PARP4: variants seen among roughly 807,000 people sequenced by gnomAD.
PARP4 encodes the protein protein mono-ADP-ribosyltransferase PARP4.
A neutral mutation model predicts 187.7 loss-of-function variants in PARP4; 120 were observed. The observed-to-expected ratio is 0.64, with a 90% CI of 0.55 to 0.74. The LOEUF is 0.74. Ranked by LOEUF, PARP4 falls within the 30% of genes least tolerant of loss-of-function variation. The pLI is 0.00. For synonymous variants in PARP4, 654 were observed against 740.9 expected, an observed-to-expected ratio of 0.88 and a Z score of 1.90; for missense variants, 1,836 against 2,070.5, an observed-to-expected ratio of 0.89 and a Z score of 2.20.
intron 16 of PARP4, 48 bp from the exon 17 acceptor site, chr13:24,469,158 A>C: frequency 7.8e-7 from 1 of 1,274,370 alleles, no homozygotes; most frequent in Non-Finnish European, 1.1e-6. Context: ...GAGTGACTTC[A>C]GGCTTTAATG....
chr13:24,500,329 CAG>C lies in PARP4; in HGVS notation c.386_387del (p.Thr129SerfsTer5). On this transcript the variant is annotated frameshift_variant, in exon 4 of 34. Transcript: ENST00000381989. LOFTEE classifies it high-confidence loss of function. Reference protein sequence around the residue: ...CPDSATEEEDTVELTEFGMQN... With the variant: ...CPDSATEEEDXVELTEFGMQN... ...GAAGTAAATTACTCAGTGAGTTCCA[CAG>C]TGTCTTCCTCCTCTGTGGCACTGTC... The C allele has an allele frequency of 6.3e-7, 1 of 1,596,650 alleles. No individual in the cohort carries two copies. Among genetic ancestry groups the C allele is most frequent in the Non-Finnish European group, 8.5e-7 (1 of 1,169,768 alleles).
At chr13:24,496,322 G>A (rs1232076961) in intron 6 of PARP4, among the ~76,000 whole-genome samples, 1 of 152,162 alleles carries the variant, frequency 6.6e-6, no homozygotes, top group African/African-American at 2.4e-5. Context: ...ATTTGACCAT[G>A]GATTAGCTTT....
At position 24,453,609 on chromosome 13, in the gene PARP4, G is replaced by A. The variant is rs139037622; in HGVS notation, c.2804C>T (p.Thr935Ile). Reference sequence around the variant, plus strand: ...CACCATGATGAACTCTGCTGCCATGGTATTGCTTGTGATATGCTTAGGATA... The same window carrying A: ...CACCATGATGAACTCTGCTGCCATGATATTGCTTGTGATATGCTTAGGATA... ...FSYPKHITSNTMAAEFIMSAT... is the reference protein window; with the variant it reads ...FSYPKHITSNIMAAEFIMSAT... Residue 935 changes from threonine (T) to isoleucine (I), a missense_variant, in exon 23 of 34, where the codon ACC becomes ATC. Thr to Ile is a moderately conservative substitution (Grantham distance 89, BLOSUM62 -1). Coordinates refer to ENST00000381989, the MANE Select transcript of PARP4 (RefSeq NM_006437.4). 41 of 1,602,782 alleles carry A rather than the reference G, an allele frequency of 2.6e-5. No homozygotes were observed. In the African/African-American group the frequency reaches 2.9e-4, roughly 12 times the overall value.
At chr13:24,495,742 A>T (rs1001841414) in intron 6 of PARP4, among the ~76,000 whole-genome samples, 1 of 152,212 alleles carries the variant, frequency 6.6e-6, no homozygotes, top group Admixed American at 6.5e-5. Context: ...CCGCCCTCCC[A>T]GATAGGGGGG....
rs549096895 is a variant in PARP4, at chr13:24,436,487, T to C, written c.3667-1013A>G. ...CCCAGCTAATTTTTAAATTATTCTT[T>C]TGTAGAGATGTGGTCTCATTATGTT... is the stretch of plus-strand genomic sequence containing the variant. On this transcript the variant is annotated intron_variant, in intron 30 of 33. Transcript: ENST00000381989. Among the ~76,000 whole-genome samples the C allele has an allele frequency of 3.9e-5, 6 of 152,030 alleles. No homozygotes were observed. The South Asian group carries it at 1.0e-3, about 26-fold the overall frequency.
At chr13:24,483,563 T>G (rs1250925996) in intron 12 of PARP4, among the ~76,000 whole-genome samples, 1 of 151,884 alleles carries the variant, frequency 6.6e-6, no homozygotes, top group African/African-American at 2.4e-5. Context: ...CTCAACCTCC[T>G]GGACTCAAGC....
At chr13:24,481,112 G>A (rs541711089) in intron 12 of PARP4, among the ~76,000 whole-genome samples, 100 of 152,284 alleles carry the variant, frequency 6.6e-4, no homozygotes, top group Non-Finnish European at 8.8e-4. Flanking sequence ...TAAGAATTGC[G>A]CTAAATCTAC....
chr13:24,466,442 A>G (rs1301522739), intron 17 of PARP4, among the ~76,000 whole-genome samples: 1 of 152,020 alleles, frequency 6.6e-6, no homozygotes, highest in East Asian at 1.9e-4. Context: ...CAGCCTCCCA[A>G]AGTGTTAGGA....
At position 24,447,126 on chromosome 13, in the gene PARP4, G is replaced by T; in HGVS notation, c.3175C>A (p.Gln1059Lys). The T allele has an allele frequency of 6.2e-7, 1 of 1,613,422 alleles. No individual in the cohort carries two copies. The highest frequency in any genetic ancestry group is 8.5e-7 in the Non-Finnish European group (1 of 1,179,582). The part of the protein sequence containing the change: ...PSCHSVSVKW[Q>K]QLNPDVPEAL... Reference sequence around the variant, plus strand: ...TCGGGCACATCTGGATTGAGTTGCTGCCATTTGACGGAGACAGAGTGGCAA... The same window carrying T: ...TCGGGCACATCTGGATTGAGTTGCTTCCATTTGACGGAGACAGAGTGGCAA... The change falls in exon 26 of 34, where the codon CAG (glutamine) becomes AAG (lysine). Residue 1059 changes from glutamine to lysine, a missense_variant. Transcript: ENST00000381989.
chr13:24,463,360 CT>C (rs1872303015), intron 17 of PARP4, among the ~76,000 whole-genome samples: 1 of 152,004 alleles, frequency 6.6e-6, no homozygotes, highest in Non-Finnish European at 1.5e-5. Flanking sequence ...TGCTAGCACA[CT>C]TGCGCTAGAA....
rs370080270 is a variant in PARP4, at chr13:24,426,809, G to A, written c.4847-211C>T. Among the ~76,000 whole-genome samples, 176 of 148,882 alleles carry A rather than the reference G, an allele frequency of 1.2e-3. 3 individuals carry two copies. The East Asian group carries it at 0.019, about 16-fold the overall frequency. On this transcript the variant is annotated intron_variant, in intron 32 of 33. Transcript: ENST00000381989. ...CGGGAGGCTGAGGCAGGAGAACGGC[G>A]TGAACCCGGGAGGCGGAGCTTGCAG...
rs530148887 is a variant in PARP4, at chr13:24,449,195, T to C, written c.3114+523A>G. The stretch of plus-strand genomic sequence containing the variant: ...TGAGGTCAGGAGATCAAGACCATCC[T>C]GGCTAACACAGTGAAACCCCATCTC... On this transcript the variant is annotated intron_variant, in intron 25 of 33. Coordinates refer to ENST00000381989, the MANE Select transcript of PARP4 (RefSeq NM_006437.4). Among the ~76,000 whole-genome samples, 354 of 152,230 alleles carry C rather than the reference T, an allele frequency of 2.3e-3. 1 individual carries two copies. The highest frequency in any genetic ancestry group is 8.2e-3 in the African/African-American group (339 of 41,534).
intron 25 of PARP4, among the ~76,000 whole-genome samples, chr13:24,449,092 A>C (rs899385160): frequency 2.0e-5 from 3 of 152,180 alleles, no homozygotes; most frequent in Non-Finnish European, 4.4e-5. Flanking sequence ...TTGTACACCT[A>C]AAAATGGTTA....
chr13:24,425,605 C>CTA lies in PARP4; in HGVS notation c.4979+859_4979+860dup, dbSNP rs113002264. 8.0e-3 allele frequency among the ~76,000 whole-genome samples: 1,173 copies of CTA among 146,978 alleles called. 7 individuals are homozygous for CTA. The highest frequency in any genetic ancestry group is 0.029 in the South Asian group (133 of 4,628). ...TCTATATCTATATCTATATCTATATCTATATATCTCAGAGGGATCCTACTC... is the reference window on the plus strand; with the variant it reads ...TCTATATCTATATCTATATCTATATCTATATATATCTCAGAGGGATCCTACTC... On this transcript the variant is annotated intron_variant, in intron 33 of 33. Coordinates refer to ENST00000381989, the MANE Select transcript of PARP4 (RefSeq NM_006437.4).
chr13:24,483,563 T>C (rs1250925996), intron 12 of PARP4, among the ~76,000 whole-genome samples: 1 of 151,884 alleles, frequency 6.6e-6, no homozygotes, highest in Non-Finnish European at 1.5e-5. Context: ...CTCAACCTCC[T>C]GGACTCAAGC....
At chr13:24,439,989 G>A (rs1449768817) in intron 30 of PARP4, among the ~76,000 whole-genome samples, 1 of 152,174 alleles carries the variant, frequency 6.6e-6, no homozygotes, top group African/African-American at 2.4e-5. Context: ...ACCTGAGCCT[G>A]GCTGAATGCA....
At chr13:24,511,245 C>T (rs1255940200) in intron 1 of PARP4, among the ~76,000 whole-genome samples, 1 of 152,108 alleles carries the variant, frequency 6.6e-6, no homozygotes, top group Non-Finnish European at 1.5e-5. Context: ...TGTAAAATGC[C>T]AGCCCTCTTC....
intron 16 of PARP4, among the ~76,000 whole-genome samples, chr13:24,469,442 G>A (rs1348496380): frequency 1.3e-5 from 2 of 152,090 alleles, no homozygotes; most frequent in Non-Finnish European, 2.9e-5. Flanking sequence ...TGTAACTGTG[G>A]ACTAATCCTT....
intron 1 of PARP4, among the ~76,000 whole-genome samples, chr13:24,505,344 C>T (rs1481181404): frequency 5.3e-5 from 8 of 152,016 alleles, no homozygotes; most frequent in Non-Finnish European, 1.0e-4. Context: ...TGGCTTGTTG[C>T]CCTGCAAGAT....
Sources: allele counts gnomAD v4.1 joint callset (sites outside exome capture counted in the v4.1 genomes callset), GRCh38; gene constraint gnomAD v4.1.1; transcripts MANE v1.5; gene names NCBI Gene and HGNC (gene_info 2026-07-23, HGNC 2026-07-21).